The following SDK1 variants were observed in gnomAD, a reference collection of about 807,000 sequenced individuals.
The protein encoded by SDK1 is protein sidekick-1.
SDK1 carries 157 observed loss-of-function variants against 245.5 expected under a neutral mutation model. The ratio of observed to expected loss-of-function variants is 0.64; its 90% CI spans 0.56 to 0.73. The LOEUF is 0.73. Ranked by LOEUF, SDK1 falls within the 30% of genes least tolerant of loss-of-function variation. The probability of loss-of-function intolerance (pLI) is 0.00; values close to 1 mark genes in which losing one functional copy is unlikely to be tolerated. For missense variants in SDK1, 3,583 were observed against 3,002.3 expected, an observed-to-expected ratio of 1.19 and a Z score of -4.52; for synonymous variants, 1,647 against 1,278.5, an observed-to-expected ratio of 1.29 and a Z score of -6.15.
intron 1 of SDK1, among the ~76,000 whole-genome samples, chr7:3,555,265 A>G (rs894588084): frequency 3.9e-5 from 6 of 152,154 alleles, no homozygotes; most frequent in Non-Finnish European, 2.9e-5. Context: ...ATTAAAATCC[A>G]GAAATAAATC....
intron 1 of SDK1, among the ~76,000 whole-genome samples, chr7:3,364,188 C>T (rs992928614): frequency 4.6e-5 from 7 of 152,174 alleles, no homozygotes; most frequent in Non-Finnish European, 1.0e-4. Flanking sequence ...AGATACTAGG[C>T]ATTTGTTGAA....
chr7:3,962,595 G>A (rs771430970), intron 8 of SDK1, 62 bp from the exon 9 acceptor site: 10 of 1,359,238 alleles, frequency 7.4e-6, no homozygotes, highest in African/African-American at 7.3e-5. Flanking sequence ...TGAAACAGAT[G>A]TGCTTCAGTT....
At chr7:3,353,687 G>T (rs1437500211) in intron 1 of SDK1, among the ~76,000 whole-genome samples, 1 of 152,164 alleles carries the variant, frequency 6.6e-6, no homozygotes, top group African/African-American at 2.4e-5. Flanking sequence ...CCCCTGTCAT[G>T]AATAGAAACT....
At chr7:3,901,080 T>G (rs1249511625) in intron 5 of SDK1, among the ~76,000 whole-genome samples, 1 of 152,244 alleles carries the variant, frequency 6.6e-6, no homozygotes, top group Non-Finnish European at 1.5e-5. Context: ...TTCTCAACAT[T>G]GACATCTTTG....
chr7:4,039,852 T>C (rs1788483436), intron 17 of SDK1, among the ~76,000 whole-genome samples: 1 of 152,146 alleles, frequency 6.6e-6, no homozygotes, highest in African/African-American at 2.4e-5. Context: ...AGAAGAAAAT[T>C]TTAAAAATCA....
At chr7:4,047,344 C>T (rs1329250133) in intron 17 of SDK1, among the ~76,000 whole-genome samples, 3 of 152,164 alleles carry the variant, frequency 2.0e-5, no homozygotes, top group Non-Finnish European at 2.9e-5. Flanking sequence ...AGATACACCT[C>T]GCTTGATCAG....
At chr7:3,547,090 C>G (rs1295780275) in intron 1 of SDK1, among the ~76,000 whole-genome samples, 2 of 151,908 alleles carry the variant, frequency 1.3e-5, no homozygotes, top group African/African-American at 4.8e-5. Flanking sequence ...GGTGTGTGAC[C>G]TTGTCTACAC....
At chr7:4,144,022 T>A (rs1486778371) in intron 28 of SDK1, among the ~76,000 whole-genome samples, 2 of 151,970 alleles carry the variant, frequency 1.3e-5, no homozygotes, top group Non-Finnish European at 2.9e-5. Flanking sequence ...TTCCATTGTG[T>A]GTGCACGGCT....
At chr7:3,438,089 C>T (rs913807451) in intron 1 of SDK1, among the ~76,000 whole-genome samples, 2 of 152,120 alleles carry the variant, frequency 1.3e-5, no homozygotes, top group African/African-American at 4.8e-5. Flanking sequence ...TAACCCGCAC[C>T]CCAGATCTCT....
intron 1 of SDK1, among the ~76,000 whole-genome samples, chr7:3,569,783 C>T (rs893735905): frequency 6.6e-6 from 1 of 152,168 alleles, no homozygotes; most frequent in Non-Finnish European, 1.5e-5. Context: ...TACTAATGTG[C>T]TTGGCTTTTG....
At chr7:3,598,173 C>T (rs953750425) in intron 1 of SDK1, among the ~76,000 whole-genome samples, 3 of 152,150 alleles carry the variant, frequency 2.0e-5, no homozygotes, top group Non-Finnish European at 4.4e-5. Context: ...CCCATGTGCT[C>T]GTGGGCTGTT....
rs147177299 is a variant in SDK1, at chr7:3,569,644, C to T, written c.299-49436C>T. On this transcript the variant is annotated intron_variant, in intron 1 of 44. Coordinates refer to ENST00000404826, the MANE Select transcript of SDK1 (RefSeq NM_152744.4). The stretch of plus-strand genomic sequence containing the variant: ...TTCCAACGTGATCTACAGAAGTGCT[C>T]ACAAGAGCAGACCCTCAGGAAGTGG... Among the ~76,000 whole-genome samples the T allele has an allele frequency of 5.3e-5, 8 of 152,316 alleles. No homozygotes were observed. In the East Asian group the frequency reaches 1.5e-3, roughly 29 times the overall value.
chr7:3,866,852 G>A (rs1482441642), intron 5 of SDK1, among the ~76,000 whole-genome samples: 1 of 152,168 alleles, frequency 6.6e-6, no homozygotes, highest in Admixed American at 6.5e-5. Flanking sequence ...TGTCCAGGCT[G>A]AAGAGTTTGA....
intron 44 of SDK1, among the ~76,000 whole-genome samples, chr7:4,254,904 C>A (rs1787535219): frequency 6.6e-6 from 1 of 151,244 alleles, no homozygotes; most frequent in Non-Finnish European, 1.5e-5. Flanking sequence ...TAGCTGGGCT[C>A]CCTTTGCCTG....
At chr7:4,193,233 TATAA>T (rs1390407199) in intron 35 of SDK1, among the ~76,000 whole-genome samples, 1 of 131,022 alleles carries the variant, frequency 7.6e-6, no homozygotes, top group Non-Finnish European at 1.6e-5. Flanking sequence ...ATATTAATTG[TATAA>T]ATATACAATA....
intron 1 of SDK1, among the ~76,000 whole-genome samples, chr7:3,394,461 A>C (rs1182324603): frequency 6.6e-6 from 1 of 152,066 alleles, no homozygotes; most frequent in Non-Finnish European, 1.5e-5. Flanking sequence ...AAATTTAGAA[A>C]AGACCTCCAG....
intron 5 of SDK1, among the ~76,000 whole-genome samples, chr7:3,916,216 C>G (rs1779374037): frequency 6.6e-6 from 1 of 152,178 alleles, no homozygotes; most frequent in African/African-American, 2.4e-5. Context: ...CCTGACCAGC[C>G]CTCAGTGGAT....
chr7:3,548,753 A>G (rs569616251), intron 1 of SDK1, among the ~76,000 whole-genome samples: 1 of 152,292 alleles, frequency 6.6e-6, no homozygotes, highest in East Asian at 1.9e-4. Context: ...ATGGAGAAGG[A>G]TTGTACTCCC....
At chr7:3,457,230 G>A (rs557759436) in intron 1 of SDK1, among the ~76,000 whole-genome samples, 16 of 152,274 alleles carry the variant, frequency 1.1e-4, no homozygotes, top group South Asian at 8.3e-4. Flanking sequence ...CAGGAAACAC[G>A]GGGCCTGGTT....
Sources: gnomAD v4.1 joint callset for allele counts (sites outside exome capture counted in the v4.1 genomes callset) on GRCh38, gnomAD v4.1.1 for gene constraint, MANE v1.5 for transcripts, NCBI Gene and HGNC (gene_info 2026-07-23, HGNC 2026-07-21) for gene names.